The following STPG2 variants were observed in gnomAD, a reference collection of about 807,000 sequenced individuals.
The protein encoded by STPG2 is sperm tail PG-rich repeat containing 2.
A neutral mutation model predicts 54.2 loss-of-function variants in STPG2; 56 were observed. The ratio of observed to expected loss-of-function variants is 1.03; its 90% CI spans 0.83 to 1.29. STPG2 has a LOEUF of 1.29. Among genes scored for constraint, STPG2 ranks in the 50% most tolerant of loss-of-function variants. The pLI is 0.00. For synonymous variants in STPG2, 200 were observed against 181.8 expected, an observed-to-expected ratio of 1.10 and a Z score of -0.81; for missense variants, 596 against 544.9, an observed-to-expected ratio of 1.09 and a Z score of -0.93.
At chr4:97,558,012 A>C (rs904164295), downstream of STPG2, among the ~76,000 whole-genome samples, 2 of 152,158 alleles carry the variant, frequency 1.3e-5, no homozygotes, top group Non-Finnish European at 2.9e-5. Context: ...CCTTTCCTGC[A>C]TTTTCTTAAC....
At chr4:97,694,080 C>A (rs1026808878) in intron 10 of STPG2, among the ~76,000 whole-genome samples, 1 of 151,966 alleles carries the variant, frequency 6.6e-6, no homozygotes, top group Non-Finnish European at 1.5e-5. Context: ...CACAAATAGA[C>A]AATCTAAGGT....
At chr4:97,614,264 A>G (rs1368750423) in intron 10 of STPG2, among the ~76,000 whole-genome samples, 2 of 151,770 alleles carry the variant, frequency 1.3e-5, no homozygotes, top group East Asian at 3.9e-4. Context: ...TCTCTACATT[A>G]TTAGCTGAAG....
intron 7 of STPG2, among the ~76,000 whole-genome samples, chr4:97,945,718 T>C (rs1389478862): frequency 1.3e-5 from 2 of 151,236 alleles, no homozygotes; most frequent in African/African-American, 4.8e-5. Flanking sequence ...CAACATCTAT[T>C]GTTTTTTTGG....
intron 5 of STPG2, chr4:98,025,413 A>C: frequency 1.3e-5 from 5 of 399,998 alleles, no homozygotes; most frequent in Non-Finnish European, 2.4e-5. Flanking sequence ...GTTAAGAATA[A>C]GGCCTGCTTT....
intron 9 of STPG2, among the ~76,000 whole-genome samples, chr4:97,739,576 C>T (rs1424065267): frequency 1.3e-5 from 2 of 152,182 alleles, no homozygotes; most frequent in African/African-American, 4.8e-5. Context: ...TCAGAGAATA[C>T]TACAAACACC....
At chr4:98,066,195 C>T (rs1038439163) in intron 5 of STPG2, among the ~76,000 whole-genome samples, 2 of 152,114 alleles carry the variant, frequency 1.3e-5, no homozygotes, top group Non-Finnish European at 2.9e-5. Context: ...TAGCAAATGT[C>T]ATCCAACCTG....
At chr4:97,513,696 T>C (rs1731019009) in intron 4 of STPG2, among the ~76,000 whole-genome samples, 2 of 152,082 alleles carry the variant, frequency 1.3e-5, no homozygotes, top group African/African-American at 2.4e-5. Flanking sequence ...ATTCTAACAA[T>C]CCTATGAAGT....
intron 9 of STPG2, among the ~76,000 whole-genome samples, chr4:97,816,744 CTTT>C (rs1727923489): frequency 8.6e-6 from 1 of 115,840 alleles, no homozygotes; most frequent in African/African-American, 4.5e-5. Flanking sequence ...CTTTCTCTAC[CTTT>C]CTTTCTTTCT....
chr4:97,932,178 T>C (rs896513573), intron 8 of STPG2, among the ~76,000 whole-genome samples: 1 of 152,146 alleles, frequency 6.6e-6, no homozygotes, highest in Non-Finnish European at 1.5e-5. Flanking sequence ...TATTAATTTT[T>C]TCAAAAACCA....
At chr4:97,842,956 T>C (rs951392309) in intron 8 of STPG2, among the ~76,000 whole-genome samples, 3 of 151,890 alleles carry the variant, frequency 2.0e-5, no homozygotes, top group African/African-American at 4.8e-5. Flanking sequence ...CCTAAGCTGA[T>C]GATTAATAGG....
At chr4:97,481,433 T>C (rs1214832868) in intron 4 of STPG2, among the ~76,000 whole-genome samples, 1 of 151,612 alleles carries the variant, frequency 6.6e-6, no homozygotes, top group Non-Finnish European at 1.5e-5. Flanking sequence ...TCTATTGTGT[T>C]TCATCTGTAG....
Position 98,044,818 on chromosome 4 carries a change from G to A in STPG2, c.612+61135C>T, listed in dbSNP as rs1478218141. Among the ~76,000 whole-genome samples the A allele has an allele frequency of 4.6e-5, 7 of 152,300 alleles. No individual in the cohort carries two copies. In the South Asian group the frequency reaches 8.3e-4, roughly 18 times the overall value. On this transcript the variant is annotated intron_variant, in intron 5 of 10. Transcript: ENST00000295268. ...GCAGAAGCTGGTATGTTTCCAGATG[G>A]TTCTTCTAATCAAACTAATTTTTCA...
intron 9 of STPG2, among the ~76,000 whole-genome samples, chr4:97,734,896 C>T (rs2149029643): frequency 1.3e-5 from 2 of 152,046 alleles, no homozygotes; most frequent in South Asian, 4.2e-4. Flanking sequence ...CATGGTGAAA[C>T]CCCATCTCTA....
chr4:97,884,540 C>T (rs1730493559), intron 8 of STPG2, among the ~76,000 whole-genome samples: 1 of 152,140 alleles, frequency 6.6e-6, no homozygotes, highest in East Asian at 1.9e-4. Flanking sequence ...ATCATGACCA[C>T]ACTTCGCTCT....
At chr4:97,789,776 T>C (rs1726935145) in intron 9 of STPG2, among the ~76,000 whole-genome samples, 1 of 152,164 alleles carries the variant, frequency 6.6e-6, no homozygotes, top group African/African-American at 2.4e-5. Flanking sequence ...ATAAAGACCA[T>C]CGTGGAAAAC....
At chr4:97,546,497 T>C (rs1374332270) in intron 4 of STPG2, among the ~76,000 whole-genome samples, 1 of 152,062 alleles carries the variant, frequency 6.6e-6, no homozygotes, top group East Asian at 1.9e-4. Flanking sequence ...TAGCTGAAGA[T>C]GCTATAGAGT....
At chr4:98,096,174 T>C (rs1047371365) in intron 5 of STPG2, among the ~76,000 whole-genome samples, 3 of 152,228 alleles carry the variant, frequency 2.0e-5, no homozygotes, top group African/African-American at 7.2e-5. Context: ...GCAGGAGGAT[T>C]GCTTGAACCC....
chr4:97,895,770 A>G (rs1480837968), intron 8 of STPG2, among the ~76,000 whole-genome samples: 1 of 151,818 alleles, frequency 6.6e-6, no homozygotes, highest in East Asian at 1.9e-4. Flanking sequence ...TTACGGGCTC[A>G]TGTTACTGAA....
intron 10 of STPG2, among the ~76,000 whole-genome samples, chr4:97,637,667 G>A (rs139627854): frequency 2.0e-5 from 3 of 152,104 alleles, no homozygotes; most frequent in East Asian, 3.9e-4. Context: ...AAATCAATGT[G>A]CAAAAATCAC....
Sources: gnomAD v4.1 joint callset for allele counts (sites outside exome capture counted in the v4.1 genomes callset) on GRCh38, gnomAD v4.1.1 for gene constraint, MANE v1.5 for transcripts, NCBI Gene and HGNC (gene_info 2026-07-23, HGNC 2026-07-21) for gene names.